SFT2D3: variants seen among roughly 807,000 people sequenced by gnomAD.
SFT2D3 encodes the protein vesicle transport protein SFT2C.
For synonymous variants in SFT2D3, 239 were observed against 191.2 expected (o/e 1.25, Z -2.06); for missense variants, 405 against 334.6 (o/e 1.21, Z -1.64).
chr2:127,702,378 T>A lies in SFT2D3; in HGVS notation c.*202T>A, dbSNP rs1379352602. On this transcript the variant is annotated 3_prime_UTR_variant, in exon 1 of 1. Coordinates refer to ENST00000310981, the MANE Select transcript of SFT2D3 (RefSeq NM_032740.4). ...GGAGCTCCTCGATGTCAGCTTTTTG[T>A]GCTGGACTTGGCACACGCTCTGAAA... is the stretch of plus-strand genomic sequence containing the variant. 1 of 375,532 alleles carries A rather than the reference T, an allele frequency of 2.7e-6. No homozygotes were observed. The highest frequency in any genetic ancestry group is 2.2e-5 in the African/African-American group (1 of 46,388). 23.3% of individuals were successfully genotyped at this position (375,532 alleles called of 1,614,324 possible).
rs2105363300 is a variant in SFT2D3, at chr2:127,701,514, A to G, written c.-15A>G. On this transcript the variant is annotated 5_prime_UTR_variant, in exon 1 of 1. Transcript: ENST00000310981. ...TGAGCCGCAGCTTTTCCTTTCTGCCACCGCCTTGTCCAAGATGGCGGACCT... is the reference window on the plus strand; with the variant it reads ...TGAGCCGCAGCTTTTCCTTTCTGCCGCCGCCTTGTCCAAGATGGCGGACCT... 1 of 1,294,140 alleles carries G rather than the reference A, an allele frequency of 7.7e-7. No homozygotes were observed. The highest frequency in any genetic ancestry group is 9.8e-7 in the Non-Finnish European group (1 of 1,017,226). The allele number at this position is 1,294,140 out of a possible 1,614,324, so 80.2% of individuals were successfully genotyped here.
In SFT2D3 at chr2:127,702,489, C is replaced by T. The variant is rs1431638993; in HGVS notation, c.*313C>T. ...GAAGTAACTGTGGTCTTAGGTTCGG[C>T]TGAGTAAAGAAAAAGGATTTTTCTT... On this transcript the variant is annotated 3_prime_UTR_variant, in exon 1 of 1. Coordinates refer to ENST00000310981, the MANE Select transcript of SFT2D3 (RefSeq NM_032740.4). The T allele has an allele frequency of 4.8e-6, 1 of 207,202 alleles. No individual in the cohort carries two copies. Among genetic ancestry groups the T allele is most frequent in the African/African-American group, 2.3e-5 (1 of 42,646 alleles). The allele number at this position is 207,202 out of a possible 1,614,324, so 12.8% of individuals were successfully genotyped here. A position where few individuals can be genotyped will look rare whatever the true frequency, so the allele number is the denominator to read the frequency against.
chr2:127,701,579 T>G lies in SFT2D3; in HGVS notation c.51T>G (p.Ala17=). 7.4e-7 allele frequency: 1 copy of G among 1,342,732 alleles called. No homozygotes were observed. The highest frequency in any genetic ancestry group is 9.6e-7 in the Non-Finnish European group (1 of 1,041,340). 83.2% of individuals were successfully genotyped at this position (1,342,732 alleles called of 1,614,324 possible). ...AGGAGTACCTGGCGCAGGGGAAAGC[T>G]GGCGGCCCGGCGGCCGCGGAGCCGC... The part of the protein sequence containing the change: ...QLQEYLAQGK[A]GGPAAAEPLL... Residue 17 remains alanine (A), a synonymous_variant, in exon 1 of 1, where the codon GCT becomes GCG. Transcript: ENST00000310981.
rs1685915235 is a variant in SFT2D3 at position 127,702,369 on chromosome 2, A to G, written c.*193A>G. The G allele has an allele frequency of 9.5e-6, 4 of 418,900 alleles. No individual in the cohort carries two copies. The Admixed American group carries it at 1.5e-4, about 16-fold the overall frequency. The allele number at this position is 418,900 out of a possible 1,614,324, so 25.9% of individuals were successfully genotyped here. On this transcript the variant is annotated 3_prime_UTR_variant, in exon 1 of 1. Transcript: ENST00000310981. ...GCAGCGTTGGGAGCTCCTCGATGTC[A>G]GCTTTTTGTGCTGGACTTGGCACAC... is the stretch of plus-strand genomic sequence containing the variant.
rs753706232 is a variant in SFT2D3 at position 127,701,792 on chromosome 2, A to G, written c.264A>G (p.Ala88=). 1.4e-4 allele frequency: 203 copies of G among 1,451,426 alleles called. No individual in the cohort carries two copies. In the African/African-American group the frequency reaches 2.5e-3, roughly 18 times the overall value. 89.9% of individuals were successfully genotyped at this position (1,451,426 alleles called of 1,614,324 possible). Residue 88 remains alanine (A), a synonymous_variant, in exon 1 of 1, where the codon GCA becomes GCG. Transcript: ENST00000310981. ...GCGGCGGGTGCCTGCTGCTGGCTGC[A>G]CTGTGTTTCGGCCTAGCCGCGCTCT... ...AAGGGCLLLA[A]LCFGLAALYA...
rs1685910223 is a variant in SFT2D3 at position 127,702,231 on chromosome 2, C to G, written c.*55C>G. 1.3e-5 allele frequency: 16 copies of G among 1,190,206 alleles called. No homozygotes were observed. In the South Asian group the frequency reaches 1.7e-4, roughly 13 times the overall value. The allele number at this position is 1,190,206 out of a possible 1,614,324, so 73.7% of individuals were successfully genotyped here. ...ACGCGGAGCCAGCGCCGTCGGAGAC[C>G]GCGCCGGCCGAGCTGAGGACTGCAC... On this transcript the variant is annotated 3_prime_UTR_variant, in exon 1 of 1. Coordinates refer to ENST00000310981, the MANE Select transcript of SFT2D3 (RefSeq NM_032740.4).
Position 127,702,781 on chromosome 2 carries a change from A to ATT in SFT2D3, c.*606_*607dup, listed in dbSNP as rs1351700735. 1 of 167,102 alleles carries ATT rather than the reference A, an allele frequency of 6.0e-6. No homozygotes were observed. Among genetic ancestry groups the ATT allele is most frequent in the African/African-American group, 2.4e-5 (1 of 41,466 alleles). The allele number at this position is 167,102 out of a possible 1,614,324, so 10.4% of individuals were successfully genotyped here. ...TGGTGCCTTATAACATGAAAGGAAA[A>ATT]TTAGTTGTGTATTTCACGACGAAAG... On this transcript the variant is annotated 3_prime_UTR_variant, in exon 1 of 1. Coordinates refer to ENST00000310981, the MANE Select transcript of SFT2D3 (RefSeq NM_032740.4).
At position 127,703,843 on chromosome 2, in the gene SFT2D3, G is replaced by C. The variant is rs1197593378; in HGVS notation, c.*1667G>C. The C allele has an allele frequency of 6.0e-6, 1 of 166,636 alleles. No individual in the cohort carries two copies. Among genetic ancestry groups the C allele is most frequent in the Admixed American group, 6.6e-5 (1 of 15,266 alleles). 10.3% of individuals were successfully genotyped at this position (166,636 alleles called of 1,614,324 possible). On this transcript the variant is annotated 3_prime_UTR_variant, in exon 1 of 1. Coordinates refer to ENST00000310981, the MANE Select transcript of SFT2D3 (RefSeq NM_032740.4). ...AAACTTAAAAATTCAACATTTCTCA[G>C]CTGGTGGCTCACACCTGTAATCCCA...
rs1685899149 is a variant in SFT2D3 at position 127,701,934 on chromosome 2, C to A, written c.406C>A (p.Leu136Met). ...LRGGAACGRL[L>M]RCEEAPSRPA... Reference sequence around the variant, plus strand: ...GGGCGGCGCGGCGTGCGGACGCCTGCTGCGCTGCGAAGAAGCGCCGTCCCG... The same window carrying A: ...GGGCGGCGCGGCGTGCGGACGCCTGATGCGCTGCGAAGAAGCGCCGTCCCG... The change falls in exon 1 of 1, where the codon CTG becomes ATG. Residue 136 changes from leucine to methionine, a missense_variant. Transcript: ENST00000310981. 3.5e-6 allele frequency: 5 copies of A among 1,427,366 alleles called. No homozygotes were observed. Among genetic ancestry groups the A allele is most frequent in the South Asian group, 1.4e-5 (1 of 72,140 alleles). The allele number at this position is 1,427,366 out of a possible 1,614,324, so 88.4% of individuals were successfully genotyped here.
Position 127,703,674 on chromosome 2 carries a change from A to T in SFT2D3, c.*1498A>T, listed in dbSNP as rs17533356. 0.02 allele frequency: 3,380 copies of T among 167,122 alleles called. 54 individuals carry two copies. The highest frequency in any genetic ancestry group is 0.03 in the Non-Finnish European group (2,013 of 68,078). 10.4% of individuals were successfully genotyped at this position (167,122 alleles called of 1,614,324 possible). On this transcript the variant is annotated 3_prime_UTR_variant, in exon 1 of 1. Coordinates refer to ENST00000310981, the MANE Select transcript of SFT2D3 (RefSeq NM_032740.4). ...AAATGCAGTATCTTCAGAATGATTT[A>T]TTTTTTTAATTAATTGTAAAGACTT... is the stretch of plus-strand genomic sequence containing the variant.
rs1277057564 is a variant in SFT2D3 at position 127,703,038 on chromosome 2, T to G, written c.*862T>G. ...AGGCTGATCTTAAGATTTTTTTATA[T>G]CTAATTGCTGCTGCCTTCATTTTAG... On this transcript the variant is annotated 3_prime_UTR_variant, in exon 1 of 1. Coordinates refer to ENST00000310981, the MANE Select transcript of SFT2D3 (RefSeq NM_032740.4). 6.0e-6 allele frequency: 1 copy of G among 167,088 alleles called. No individual in the cohort carries two copies. Among genetic ancestry groups the G allele is most frequent in the Non-Finnish European group, 1.5e-5 (1 of 68,126 alleles). 10.4% of individuals were successfully genotyped at this position (167,088 alleles called of 1,614,324 possible).
rs1276587745 is a variant in SFT2D3, at chr2:127,702,216, A to T, written c.*40A>T. ...CGCCGCTGGGGAAGTACGCGGAGCC[A>T]GCGCCGTCGGAGACCGCGCCGGCCG... On this transcript the variant is annotated 3_prime_UTR_variant, in exon 1 of 1. Transcript: ENST00000310981. 1 of 1,205,098 alleles carries T rather than the reference A, an allele frequency of 8.3e-7. No homozygotes were observed. Among genetic ancestry groups the T allele is most frequent in the Non-Finnish European group, 1.0e-6 (1 of 966,144 alleles). The allele number at this position is 1,205,098 out of a possible 1,614,324, so 74.7% of individuals were successfully genotyped here.
rs988664206 is a variant in SFT2D3, at chr2:127,702,077, G to T, written c.549G>T (p.Ala183=). ...CGCAGGTGGCCGCGCTGCTGGCCGCGCTGGTTGGGCTGCTGCCCTGGGGCG... is the reference window on the plus strand; with the variant it reads ...CGCAGGTGGCCGCGCTGCTGGCCGCTCTGGTTGGGCTGCTGCCCTGGGGCG... ...AGAQVAALLA[A]LVGLLPWGGG... The change falls in exon 1 of 1, where the codon GCG becomes GCT. Residue 183 remains alanine (A), a synonymous_variant. Transcript: ENST00000310981. The T allele has an allele frequency of 4.9e-6, 6 of 1,223,282 alleles. No homozygotes were observed. In the East Asian group the frequency reaches 2.1e-4, roughly 43 times the overall value. The allele number at this position is 1,223,282 out of a possible 1,614,324, so 75.8% of individuals were successfully genotyped here. A position where few individuals can be genotyped will look rare whatever the true frequency, so the allele number is the denominator to read the frequency against.
At position 127,702,828 on chromosome 2, in the gene SFT2D3, C is replaced by G. The variant is rs968220881; in HGVS notation, c.*652C>G. 6.0e-6 allele frequency: 1 copy of G among 166,852 alleles called. No individual in the cohort carries two copies. Among genetic ancestry groups the G allele is most frequent in the African/African-American group, 2.4e-5 (1 of 41,458 alleles). 10.3% of individuals were successfully genotyped at this position (166,852 alleles called of 1,614,324 possible). A position where few individuals can be genotyped will look rare whatever the true frequency, so the allele number is the denominator to read the frequency against. On this transcript the variant is annotated 3_prime_UTR_variant, in exon 1 of 1. Coordinates refer to ENST00000310981, the MANE Select transcript of SFT2D3 (RefSeq NM_032740.4). ...AAAGCGACGGACCAAAAGAAATTTC[C>G]TGCCCCAAGAAGCATGGGATCCAGG...
chr2:127,703,942 A>G lies in SFT2D3; in HGVS notation c.*1766A>G, dbSNP rs1685953241. On this transcript the variant is annotated 3_prime_UTR_variant, in exon 1 of 1. Transcript: ENST00000310981. Reference sequence around the variant, plus strand: ...AGACCAGCCTGGGCAACACAGTTAAACCCCATCGCCACAGAAAATCTTCAA... The same window carrying G: ...AGACCAGCCTGGGCAACACAGTTAAGCCCCATCGCCACAGAAAATCTTCAA... 6.0e-6 allele frequency: 1 copy of G among 166,748 alleles called. No individual in the cohort carries two copies. Among genetic ancestry groups the G allele is most frequent in the Non-Finnish European group, 1.5e-5 (1 of 68,104 alleles). 10.3% of individuals were successfully genotyped at this position (166,748 alleles called of 1,614,324 possible).
rs1428997024 is a variant in SFT2D3 at position 127,702,770 on chromosome 2, A to T, written c.*594A>T. The stretch of plus-strand genomic sequence containing the variant: ...AATCATAAATATGGTGCCTTATAAC[A>T]TGAAAGGAAAATTAGTTGTGTATTT... On this transcript the variant is annotated 3_prime_UTR_variant, in exon 1 of 1. Coordinates refer to ENST00000310981, the MANE Select transcript of SFT2D3 (RefSeq NM_032740.4). 6.0e-6 allele frequency: 1 copy of T among 167,096 alleles called. No homozygotes were observed. The highest frequency in any genetic ancestry group is 2.4e-5 in the African/African-American group (1 of 41,454). The allele number at this position is 167,096 out of a possible 1,614,324, so 10.4% of individuals were successfully genotyped here. A position where few individuals can be genotyped will look rare whatever the true frequency, so the allele number is the denominator to read the frequency against.
In SFT2D3 at chr2:127,701,764, C is replaced by A; in HGVS notation, c.236C>A (p.Ala79Glu). ...PSVTRGQRLAAGGGCLLLAAL... is the reference protein window; with the variant it reads ...PSVTRGQRLAEGGGCLLLAAL... ...GTGACGCGCGGGCAGCGGCTGGCGG[C>A]GGGCGGCGGGTGCCTGCTGCTGGCT... Residue 79 changes from alanine (A) to glutamate (E), a missense_variant, in exon 1 of 1, where the codon GCG (alanine) becomes GAG (glutamate). Transcript: ENST00000310981. 7.0e-7 allele frequency: 1 copy of A among 1,423,606 alleles called. No individual in the cohort carries two copies. Among genetic ancestry groups the A allele is most frequent in the East Asian group, 3.2e-5 (1 of 31,560 alleles). 88.2% of individuals were successfully genotyped at this position (1,423,606 alleles called of 1,614,324 possible).
Position 127,704,227 on chromosome 2 carries a change from A to G in SFT2D3, c.*2051A>G, listed in dbSNP as rs774895750. ...ACAGTGATGTTTTTAAATGCCATAT[A>G]TATTTAATAAGTATAATGTAGAGGT... On this transcript the variant is annotated 3_prime_UTR_variant, in exon 1 of 1. Coordinates refer to ENST00000310981, the MANE Select transcript of SFT2D3 (RefSeq NM_032740.4). 4.6e-4 allele frequency: 77 copies of G among 166,786 alleles called. No homozygotes were observed. The highest frequency in any genetic ancestry group is 1.0e-3 in the Non-Finnish European group (70 of 68,086). The allele number at this position is 166,786 out of a possible 1,614,324, so 10.3% of individuals were successfully genotyped here.
At position 127,704,085 on chromosome 2, in the gene SFT2D3, C is replaced by T. The variant is rs1247769066; in HGVS notation, c.*1909C>T. 2 of 166,498 alleles carry T rather than the reference C, an allele frequency of 1.2e-5. No homozygotes were observed. Among genetic ancestry groups the T allele is most frequent in the Non-Finnish European group, 1.5e-5 (1 of 68,094 alleles). 10.3% of individuals were successfully genotyped at this position (166,498 alleles called of 1,614,324 possible). A position where few individuals can be genotyped will look rare whatever the true frequency, so the allele number is the denominator to read the frequency against. On this transcript the variant is annotated 3_prime_UTR_variant, in exon 1 of 1. Transcript: ENST00000310981. Reference sequence around the variant, plus strand: ...GCTGCAGTGAACTGTGATCACACCACTGCACCACAGCCTAGGCAACAGCGA... The same window carrying T: ...GCTGCAGTGAACTGTGATCACACCATTGCACCACAGCCTAGGCAACAGCGA...
Sources: allele counts gnomAD v4.1 joint callset, GRCh38; gene constraint gnomAD v4.1.1; transcripts MANE v1.5; gene names NCBI Gene and HGNC (gene_info 2026-07-23, HGNC 2026-07-21).